The following MED24 variants were observed in gnomAD, a reference collection of about 807,000 sequenced individuals.
MED24 encodes the protein mediator complex subunit 24, also known as mediator of RNA polymerase II transcription subunit 24.
MED24 carries 74 observed loss-of-function variants against 118.8 expected under a neutral mutation model. That is an observed-to-expected ratio of 0.62 (90% confidence interval 0.52 to 0.76). The LOEUF is 0.76. Ranked by LOEUF, MED24 falls within the 30% of genes least tolerant of loss-of-function variation. MED24 has a pLI of 0.00. For synonymous variants in MED24, 521 were observed against 523.9 expected, an observed-to-expected ratio of 0.99 and a Z score of 0.08; for missense variants, 1,041 against 1,278.9, an observed-to-expected ratio of 0.81 and a Z score of 2.84.
chr17:40,035,732 C>A lies in MED24; in HGVS notation c.316G>T (p.Asp106Tyr). Residue 106 changes from aspartate (D) to tyrosine (Y), a missense_variant, in exon 5 of 26, where the codon GAC becomes TAC. Physicochemically the swap from Asp to Tyr is radical, Grantham distance 160. This residue lies in a region of MED24 where 434 missense variants were observed against 514.9 expected (regional missense o/e 0.84). Coordinates refer to ENST00000394128, the MANE Select transcript of MED24 (RefSeq NM_014815.4). The stretch of plus-strand genomic sequence containing the variant: ...TACCCCTGCCCTTACCTCAGACGGT[C>A]ACAAAACATGTCCATGATGTCCAGC... ...ALLDIMDMFC[D>Y]RLSCHGKAEE... 6.2e-7 allele frequency: 1 copy of A among 1,614,020 alleles called. No homozygotes were observed. Among genetic ancestry groups the A allele is most frequent in the South Asian group, 1.1e-5 (1 of 91,034 alleles).
chr17:40,050,446 C>CA (rs968818724), intron 3 of MED24, among the ~76,000 whole-genome samples: 60 of 149,732 alleles, frequency 4.0e-4, no homozygotes, highest in Admixed American at 9.3e-4. Flanking sequence ...GACCTTGTCT[C>CA]AAAAAAAAAT....
At chr17:40,047,936 G>A (rs900579211) in intron 3 of MED24, among the ~76,000 whole-genome samples, 6 of 152,128 alleles carry the variant, frequency 3.9e-5, no homozygotes, top group African/African-American at 1.2e-4. Flanking sequence ...CACCATGTTG[G>A]TCAGGCTGGT....
chr17:40,035,699 AG>A (rs771778907), intron 5 of MED24, 22 bp downstream of exon 5: 1 of 1,608,880 alleles, frequency 6.2e-7, no homozygotes, highest in Admixed American at 1.7e-5. Flanking sequence ...TTGTATTGTG[AG>A]CCCCCTTACC....
At chr17:40,023,849 T>C (rs946965653) in intron 19 of MED24, among the ~76,000 whole-genome samples, 1 of 152,192 alleles carries the variant, frequency 6.6e-6, no homozygotes, top group Non-Finnish European at 1.5e-5. Flanking sequence ...CACAGGACTC[T>C]TCCCGGCCCC....
intron 15 of MED24, chr17:40,027,671 A>G (rs1982852415): frequency 1.5e-6 from 1 of 661,972 alleles, no homozygotes; most frequent in Non-Finnish European, 2.6e-6. Context: ...CTCTCCTGGC[A>G]TACCTAACCA....
intron 19 of MED24, among the ~76,000 whole-genome samples, chr17:40,023,845 A>G (rs1264861180): frequency 6.6e-6 from 1 of 151,860 alleles, no homozygotes. Context: ...GCCCCACAGG[A>G]CTCTTCCCGG....
At position 40,026,342 on chromosome 17, in the gene MED24, C is replaced by T. The variant is rs199549094; in HGVS notation, c.1810-11G>A. On this transcript the variant is annotated splice_polypyrimidine_tract_variant and intron_variant, in intron 18 of 25. Transcript: ENST00000394128. ...GTTATCAGTGATTTTCTAGGGGAGA[C>T]GGAAAGGTGATGGGCTACCATCTAT... 3.0e-5 allele frequency: 49 copies of T among 1,610,454 alleles called. 1 individual carries two copies. Among genetic ancestry groups the T allele is most frequent in the East Asian group, 6.7e-5 (3 of 44,760 alleles).
intron 14 of MED24, 81 bp downstream of exon 14, chr17:40,028,745 C>A: frequency 6.4e-7 from 1 of 1,564,188 alleles, no homozygotes; most frequent in Non-Finnish European, 8.7e-7. Context: ...CAGACCCAGG[C>A]ACCTGACTCC....
chr17:40,032,511 A>G, intron 9 of MED24, 138 bp downstream of exon 9: 1 of 653,840 alleles, frequency 1.5e-6, no homozygotes, highest in Non-Finnish European at 2.7e-6. Context: ...AAAATGATCA[A>G]TGGGAACTTG....
intron 14 of MED24, 144 bp from the exon 15 acceptor site, chr17:40,028,090 AGGTTTTTGT>A (rs1156260304): frequency 4.7e-5 from 41 of 867,292 alleles, no homozygotes; most frequent in Admixed American, 2.2e-4. Flanking sequence ...TATAGAAAAA[AGGTTTTTGT>A]GGTTTTTGTT....
chr17:40,029,772 C>T lies in MED24; in HGVS notation c.1242G>A (p.Glu414=). 1 of 1,614,190 alleles carries T rather than the reference C, an allele frequency of 6.2e-7. No homozygotes were observed. The highest frequency in any genetic ancestry group is 8.5e-7 in the Non-Finnish European group (1 of 1,180,020). The change falls in exon 13 of 26, where the codon GAG becomes GAA. Residue 414 remains glutamate (E), a synonymous_variant. Transcript: ENST00000394128. The part of the protein sequence containing the change: ...QPNIQLILRA[E]PTVTNILKTM... ...CCTTGAGGATGTTTGTGACAGTGGGCTCCGCCCGGAGGATCAGCTGGATGT... is the reference window on the plus strand; with the variant it reads ...CCTTGAGGATGTTTGTGACAGTGGGTTCCGCCCGGAGGATCAGCTGGATGT...
chr17:40,031,076 G>T, intron 12 of MED24, 83 bp downstream of exon 12: 1 of 1,363,352 alleles, frequency 7.3e-7, no homozygotes, highest in Non-Finnish European at 1.0e-6. Context: ...TTCGACAGGA[G>T]GTTGAAAGGC....
At chr17:40,036,804 G>C (rs765456683) in intron 3 of MED24, among the ~76,000 whole-genome samples, 9 of 152,020 alleles carry the variant, frequency 5.9e-5, no homozygotes, top group Non-Finnish European at 1.0e-4. Context: ...TATTCCTACA[G>C]CTTCCGGCAA....
chr17:40,019,656 C>G lies in MED24; in HGVS notation c.2854-11G>C, dbSNP rs1324676159. ...CACCAGTTCCGACACCTGCCACGGACAGACAGATGCTGCTTGCGGGACGGC... is the reference window on the plus strand; with the variant it reads ...CACCAGTTCCGACACCTGCCACGGAGAGACAGATGCTGCTTGCGGGACGGC... On this transcript the variant is annotated splice_polypyrimidine_tract_variant and intron_variant, in intron 25 of 25. Coordinates refer to ENST00000394128, the MANE Select transcript of MED24 (RefSeq NM_014815.4). The G allele has an allele frequency of 6.3e-7, 1 of 1,585,484 alleles. No homozygotes were observed. Among genetic ancestry groups the G allele is most frequent in the Non-Finnish European group, 8.6e-7 (1 of 1,161,722 alleles).
Position 40,033,132 on chromosome 17 carries a change from A to G in MED24, c.746T>C (p.Leu249Pro). The change falls in exon 8 of 26, where the codon CTG (leucine) becomes CCG (proline). Residue 249 changes from leucine (L) to proline (P), a missense_variant. This residue lies in a region of MED24 where 434 missense variants were observed against 514.9 expected (regional missense o/e 0.84). Transcript: ENST00000394128. The surrounding 1 kb of genome is among the most constrained non-coding windows in gnomAD (Gnocchi z 5.2). ...TGTCAGGTTCATGGTGCCCTCGAGC[A>G]GGATCACGGCGTGGACAGTGGGGAA... ...TGFPTVHAVI[L>P]LEGTMNLTGE... The G allele has an allele frequency of 6.2e-7, 1 of 1,614,174 alleles. No individual in the cohort carries two copies. The highest frequency in any genetic ancestry group is 2.2e-5 in the East Asian group (1 of 44,884).
intron 3 of MED24, among the ~76,000 whole-genome samples, chr17:40,041,871 G>A (rs1258746249): frequency 6.6e-6 from 1 of 152,162 alleles, no homozygotes; most frequent in Non-Finnish European, 1.5e-5. Context: ...TAAATCAGGG[G>A]TTGGAAAACT....
At position 40,019,786 on chromosome 17, in the gene MED24, G is replaced by A. The variant is rs1416748046; in HGVS notation, c.2852C>T (p.Thr951Ile). The change falls in exon 25 of 26, where the codon ACC (threonine) becomes ATC (isoleucine). Residue 951 changes from threonine (T) to isoleucine (I), a missense_variant and splice_region_variant. By Grantham distance (89) the Thr-to-Ile change is moderately conservative. Transcript: ENST00000394128. ...GAGAGCCGGGAAGGTGGTACTCACG[G>A]TGGTGAAGGGCATGAACTGCAGGAC... The part of the protein sequence containing the change: ...GSVLQFMPFT[T>I]VSELVKVSAM... 1 of 1,612,098 alleles carries A rather than the reference G, an allele frequency of 6.2e-7. No individual in the cohort carries two copies. The highest frequency in any genetic ancestry group is 8.5e-7 in the Non-Finnish European group (1 of 1,179,054).
In MED24 at chr17:40,023,303, T is replaced by C. The variant is rs868043128; in HGVS notation, c.2078A>G (p.Asp693Gly). Residue 693 changes from aspartate to glycine, a missense_variant, in exon 20 of 26, where the codon GAC (aspartate) becomes GGC (glycine). Coordinates refer to ENST00000394128, the MANE Select transcript of MED24 (RefSeq NM_014815.4). The stretch of plus-strand genomic sequence containing the variant: ...CAGCAGGTTCCAGTAGGGCATTGTG[T>C]CCACCCCGGTGGAGGGAAACTTGAT... ...TQIKFPSTGV[D>G]TMPYWNLLPP... 1 of 1,614,062 alleles carries C rather than the reference T, an allele frequency of 6.2e-7. No homozygotes were observed. The highest frequency in any genetic ancestry group is 8.5e-7 in the Non-Finnish European group (1 of 1,179,994).
chr17:40,048,699 G>A (rs189797024), intron 3 of MED24, among the ~76,000 whole-genome samples: 194 of 151,952 alleles, frequency 1.3e-3, no homozygotes, highest in African/African-American at 4.3e-3. Flanking sequence ...GATTACAGGT[G>A]CGCACCACCA....
Sources: gnomAD v4.1 joint callset for allele counts (sites outside exome capture counted in the v4.1 genomes callset) on GRCh38, gnomAD v4.1.1 for gene constraint, gnomAD v4.1.1 regional missense constraint, Gnocchi (gnomAD v3.1) non-coding constraint, MANE v1.5 for transcripts, NCBI Gene and HGNC (gene_info 2026-07-23, HGNC 2026-07-21) for gene names.